PLD5: variants seen among roughly 807,000 people sequenced by gnomAD.
The protein encoded by PLD5 is inactive phospholipase D5.
A neutral mutation model predicts 61.1 loss-of-function variants in PLD5; 36 were observed. That is an observed-to-expected ratio of 0.59 (90% confidence interval 0.45 to 0.78). The LOEUF (loss-of-function observed/expected upper bound fraction) is 0.78. Among genes scored for constraint, PLD5 ranks in the 30% least tolerant of loss-of-function variants. PLD5 has a pLI of 0.00. For synonymous variants in PLD5, 243 were observed against 242.8 expected (o/e 1.00, Z -0.01); for missense variants, 515 against 644.4 (o/e 0.80, Z 2.17).
chr1:242,152,690 C>T (rs907842356), intron 5 of PLD5, among the ~76,000 whole-genome samples: 1 of 151,988 alleles, frequency 6.6e-6, no homozygotes, highest in Non-Finnish European at 1.5e-5. Context: ...TGAACTCATC[C>T]TTTTTTTGTG....
At chr1:242,413,917 T>C (rs1490166362) in intron 1 of PLD5, among the ~76,000 whole-genome samples, 2 of 152,132 alleles carry the variant, frequency 1.3e-5, no homozygotes, top group Non-Finnish European at 1.5e-5. Context: ...CTCAGACTTG[T>C]TAAGGAACCA....
intron 2 of PLD5, among the ~76,000 whole-genome samples, chr1:242,341,121 G>A (rs1659807634): frequency 6.6e-6 from 1 of 151,926 alleles, no homozygotes; most frequent in East Asian, 1.9e-4. Context: ...CAAAAAGCAA[G>A]GCTGCTCTTA....
At chr1:242,158,541 C>G (rs1194402920) in intron 5 of PLD5, among the ~76,000 whole-genome samples, 1 of 152,046 alleles carries the variant, frequency 6.6e-6, no homozygotes, top group East Asian at 1.9e-4. Context: ...AGGCTCAGTC[C>G]CCCACAGCTT....
At chr1:242,298,324 A>G (rs6429345) in intron 2 of PLD5, among the ~76,000 whole-genome samples, 134,626 of 151,848 alleles carry the variant, frequency 0.89, 59,822 homozygotes, top group East Asian at 0.94. Flanking sequence ...GTATAATGGT[A>G]GCTATTATTT....
At chr1:242,120,512 T>C (rs570613537) in intron 6 of PLD5, among the ~76,000 whole-genome samples, 2 of 152,256 alleles carry the variant, frequency 1.3e-5, no homozygotes, top group South Asian at 4.1e-4. Context: ...TCTGTAAGGC[T>C]GTTAAACTAA....
chr1:242,474,713 C>T (rs914507763), intron 1 of PLD5, among the ~76,000 whole-genome samples: 1 of 152,190 alleles, frequency 6.6e-6, no homozygotes, highest in African/African-American at 2.4e-5. Flanking sequence ...TGCTACCCCT[C>T]ATCTTTCATT....
rs1424075184 is a variant in PLD5, at chr1:242,256,787, T to A, written c.607+8550A>T. 2.0e-5 allele frequency among the ~76,000 whole-genome samples: 3 copies of A among 148,682 alleles called. No homozygotes were observed. The highest frequency in any genetic ancestry group is 4.5e-5 in the Non-Finnish European group (3 of 66,764). ...CTATCTATCTATCTATCTATCTATC[T>A]ATCTATCTATTAATATCTATCTTTC... On this transcript the variant is annotated intron_variant, in intron 4 of 9. Transcript: ENST00000536534. This position sits in a 1 kb window ranked among gnomAD's most constrained non-coding sequence, Gnocchi z 5.7.
intron 7 of PLD5, among the ~76,000 whole-genome samples, chr1:242,109,740 G>T (rs1661333543): frequency 1.3e-5 from 2 of 151,894 alleles, no homozygotes; most frequent in Admixed American, 6.6e-5. Flanking sequence ...TGGGGAAACT[G>T]AATATTTTGA....
chr1:242,307,655 G>A (rs2997796), intron 2 of PLD5, among the ~76,000 whole-genome samples: 3 of 151,846 alleles, frequency 2.0e-5, no homozygotes, highest in Non-Finnish European at 4.4e-5. Context: ...GACTGTATCA[G>A]GACAACAGTT....
chr1:242,383,084 C>G (rs548507176), intron 1 of PLD5, among the ~76,000 whole-genome samples: 4 of 152,184 alleles, frequency 2.6e-5, no homozygotes, highest in Non-Finnish European at 4.4e-5. Context: ...TTCCCTTTCT[C>G]TCATGCTTAG....
chr1:242,336,341 A>T (rs941190861), intron 2 of PLD5, among the ~76,000 whole-genome samples: 3 of 152,214 alleles, frequency 2.0e-5, no homozygotes, highest in Non-Finnish European at 2.9e-5. Context: ...AACGTGTTCC[A>T]GGATCGATAA....
intron 2 of PLD5, among the ~76,000 whole-genome samples, chr1:242,293,565 A>G (rs1426106053): frequency 1.3e-5 from 2 of 152,222 alleles, no homozygotes; most frequent in Non-Finnish European, 2.9e-5. Flanking sequence ...GTAGAGTTCC[A>G]TAGTATCCAA....
intron 1 of PLD5, among the ~76,000 whole-genome samples, chr1:242,360,588 C>T (rs145650249): frequency 0.021 from 3,230 of 152,122 alleles, 49 homozygotes; most frequent in East Asian, 0.033. Flanking sequence ...TCCTATATTC[C>T]ATCTGCCTAT....
intron 5 of PLD5, among the ~76,000 whole-genome samples, chr1:242,128,579 C>T (rs1160352367): frequency 6.6e-6 from 1 of 152,208 alleles, no homozygotes; most frequent in East Asian, 1.9e-4. Flanking sequence ...ACAACTATTG[C>T]AAGCTCCACC....
chr1:242,194,620 A>ATCTG (rs1668507241), intron 5 of PLD5, among the ~76,000 whole-genome samples: 1 of 98,232 alleles, frequency 1.0e-5, no homozygotes, highest in Non-Finnish European at 2.2e-5. Context: ...CTATCTATGT[A>ATCTG]TCTATCTATC....
At chr1:242,101,714 AG>A (rs991687255) in intron 8 of PLD5, among the ~76,000 whole-genome samples, 9 of 152,238 alleles carry the variant, frequency 5.9e-5, no homozygotes, top group Non-Finnish European at 1.3e-4. Flanking sequence ...TGTCATTTAC[AG>A]TTTTAAAACT....
chr1:242,426,369 A>T (rs1665427041), intron 1 of PLD5, among the ~76,000 whole-genome samples: 1 of 152,126 alleles, frequency 6.6e-6, no homozygotes, highest in South Asian at 2.1e-4. Flanking sequence ...TAGCAATAAA[A>T]AGTATACAGT....
intron 5 of PLD5, among the ~76,000 whole-genome samples, chr1:242,162,234 C>G (rs1196990344): frequency 6.6e-6 from 1 of 152,072 alleles, no homozygotes; most frequent in Non-Finnish European, 1.5e-5. Flanking sequence ...AAGCAGGAAC[C>G]TTTGTTGTTT....
chr1:242,503,420 A>G (rs1019154404), intron 1 of PLD5, among the ~76,000 whole-genome samples: 2 of 152,202 alleles, frequency 1.3e-5, no homozygotes, highest in African/African-American at 4.8e-5. Flanking sequence ...TGCCAGTGCC[A>G]TGTTTGTACA....
Sources: allele counts gnomAD v4.1 joint callset (sites outside exome capture counted in the v4.1 genomes callset), GRCh38; gene constraint gnomAD v4.1.1; non-coding constraint Gnocchi (gnomAD v3.1); transcripts MANE v1.5; gene names NCBI Gene and HGNC (gene_info 2026-07-23, HGNC 2026-07-21).